Variants in MAN1A1 observed in about 807,000 individuals in gnomAD.
MAN1A1 encodes mannosyl-oligosaccharide 1,2-alpha-mannosidase IA.
In MAN1A1, 29 loss-of-function variants were observed where a neutral mutation model predicts 70.8. The ratio of observed to expected loss-of-function variants is 0.41; its 90% CI spans 0.31 to 0.56. The LOEUF is 0.56. MAN1A1 is among the 20% of genes least tolerant of loss of function. The pLI is 0.29. For missense variants in MAN1A1, 747 were observed against 841.3 expected (o/e 0.89, Z 1.39); for synonymous variants, 349 against 330.1 (o/e 1.06, Z -0.62).
chr6:119,348,739 T>C lies in MAN1A1; in HGVS notation c.327A>G (p.Ala109=). 6.4e-7 allele frequency: 1 copy of C among 1,569,024 alleles called. No individual in the cohort carries two copies. The highest frequency in any genetic ancestry group is 8.6e-7 in the Non-Finnish European group (1 of 1,160,458). Reference sequence around the variant, plus strand: ...CCAGGGCGGCCTCCGGGTCCCCGGGTGCCCCCTCCTCGCGGCGCCGGGCTC... The same window carrying C: ...CCAGGGCGGCCTCCGGGTCCCCGGGCGCCCCCTCCTCGCGGCGCCGGGCTC... ...EGRARRREEG[A]PGDPEAALED... is the part of the protein sequence containing the mutation. The change falls in exon 2 of 13, where the codon GCA becomes GCG. Residue 109 remains alanine, a synonymous_variant. Transcript: ENST00000368468.
intron 4 of MAN1A1, among the ~76,000 whole-genome samples, chr6:119,292,041 T>A (rs995573213): frequency 1.5e-4 from 23 of 152,052 alleles, no homozygotes; most frequent in African/African-American, 7.2e-5. Flanking sequence ...GATTTGAACT[T>A]GAGTACTGTG....
intron 10 of MAN1A1, 122 bp downstream of exon 10, chr6:119,189,542 T>G: frequency 1.2e-6 from 1 of 830,942 alleles, no homozygotes; most frequent in South Asian, 1.6e-5. Context: ...CTTTGAGACA[T>G]TAATCACGAT....
chr6:119,207,265 G>A (rs778979989), intron 6 of MAN1A1, among the ~76,000 whole-genome samples: 8 of 151,548 alleles, frequency 5.3e-5, no homozygotes, highest in Non-Finnish European at 1.2e-4. Context: ...CCCCAACCAC[G>A]GAAGCAAGAA....
At chr6:119,286,747 T>A (rs1776384664) in intron 5 of MAN1A1, among the ~76,000 whole-genome samples, 2 of 152,156 alleles carry the variant, frequency 1.3e-5, no homozygotes, top group African/African-American at 2.4e-5. Flanking sequence ...ACTGGCAGAA[T>A]ATTTTCTTTG....
Position 119,348,954 on chromosome 6 carries a change from G to C in MAN1A1, c.112C>G (p.Leu38Val), listed in dbSNP as rs1773823043. 5 of 1,525,114 alleles carry C rather than the reference G, an allele frequency of 3.3e-6. No homozygotes were observed. Among genetic ancestry groups the C allele is most frequent in the Non-Finnish European group, 4.4e-6 (5 of 1,135,698 alleles). The allele number at this position is 1,525,114 out of a possible 1,614,324, so 94.5% of individuals were successfully genotyped here. A position where few individuals can be genotyped will look rare whatever the true frequency, so the allele number is the denominator to read the frequency against. ...RKGSGPAALRLTEKFVLLLVF... is the reference protein window; with the variant it reads ...RKGSGPAALRVTEKFVLLLVF... Reference sequence around the variant, plus strand: ...AGCAGCAGCACGAACTTCTCCGTCAGGCGGAGGGCGGCGGGGCCCGACCCC... The same window carrying C: ...AGCAGCAGCACGAACTTCTCCGTCACGCGGAGGGCGGCGGGGCCCGACCCC... Residue 38 changes from leucine to valine, a missense_variant, in exon 2 of 13, where the codon CTG becomes GTG. By Grantham distance (32) the Leu-to-Val change is conservative. Around this residue, in one of 2 missense-constraint regions of MAN1A1, gnomAD observed 328 missense variants for 293.1 expected, o/e 1.12. Coordinates refer to ENST00000368468, the MANE Select transcript of MAN1A1 (RefSeq NM_005907.4).
intron 6 of MAN1A1, among the ~76,000 whole-genome samples, chr6:119,232,749 A>G (rs1774723323): frequency 6.6e-6 from 1 of 151,534 alleles, no homozygotes; most frequent in Admixed American, 6.6e-5. Context: ...GCTATAGAAA[A>G]TTACAGAAGC....
chr6:119,250,648 C>CTCTG (rs373911155), intron 5 of MAN1A1, among the ~76,000 whole-genome samples: 5 of 148,636 alleles, frequency 3.4e-5, no homozygotes, highest in South Asian at 2.1e-4. Context: ...TGTTCTCTCT[C>CTCTG]TGTGTGTGTG....
rs561030004 is a variant in MAN1A1 at position 119,217,367 on chromosome 6, C to T, written c.993-12485G>A. 3.9e-5 allele frequency among the ~76,000 whole-genome samples: 6 copies of T among 152,144 alleles called. No homozygotes were observed. In the East Asian group the frequency reaches 7.7e-4, roughly 20 times the overall value. ...CCCAGTTTCGGCTCACTGCAATCTC[C>T]CCCTCCCAGGTTCAAGCAATTCCCC... On this transcript the variant is annotated intron_variant, in intron 6 of 12. Transcript: ENST00000368468.
intron 2 of MAN1A1, among the ~76,000 whole-genome samples, chr6:119,345,299 T>G (rs1270440596): frequency 6.6e-6 from 1 of 152,200 alleles, no homozygotes; most frequent in Non-Finnish European, 1.5e-5. Context: ...TTAACTTTTG[T>G]GCTTCATTAT....
At chr6:119,247,964 T>A (rs1775213789) in intron 6 of MAN1A1, among the ~76,000 whole-genome samples, 2 of 152,200 alleles carry the variant, frequency 1.3e-5, no homozygotes, top group African/African-American at 4.8e-5. Context: ...ACTCTTTTGG[T>A]ATTTATGGAG....
chr6:119,284,372 A>G (rs907108597), intron 5 of MAN1A1, among the ~76,000 whole-genome samples: 1 of 152,116 alleles, frequency 6.6e-6, no homozygotes, highest in Non-Finnish European at 1.5e-5. Context: ...TGAGGGGGCC[A>G]CTCAAACTCA....
chr6:119,333,355 C>T (rs1773371493), intron 2 of MAN1A1, among the ~76,000 whole-genome samples: 1 of 152,128 alleles, frequency 6.6e-6, no homozygotes, highest in Non-Finnish European at 1.5e-5. Context: ...CTCAAGGTTC[C>T]AGGAAGCGAG....
chr6:119,196,020 A>G (rs1478501282), intron 8 of MAN1A1, among the ~76,000 whole-genome samples: 1 of 152,148 alleles, frequency 6.6e-6, no homozygotes, highest in Non-Finnish European at 1.5e-5. Flanking sequence ...GTGGAAAAGC[A>G]AATCATGGTT....
chr6:119,266,142 A>C (rs1393618982), intron 5 of MAN1A1, among the ~76,000 whole-genome samples: 1 of 152,208 alleles, frequency 6.6e-6, no homozygotes, highest in Non-Finnish European at 1.5e-5. Context: ...CCATGTTTAT[A>C]GATAGAAGAT....
At chr6:119,219,055 T>C (rs1774284959) in intron 6 of MAN1A1, among the ~76,000 whole-genome samples, 1 of 152,188 alleles carries the variant, frequency 6.6e-6, no homozygotes, top group Non-Finnish European at 1.5e-5. Context: ...TGGTTATATG[T>C]CATTTTGCTT....
At chr6:119,340,953 A>T (rs946329050) in intron 2 of MAN1A1, among the ~76,000 whole-genome samples, 1 of 152,224 alleles carries the variant, frequency 6.6e-6, no homozygotes, top group African/African-American at 2.4e-5. Context: ...AGACTGAGAA[A>T]CACGAGCGAG....
chr6:119,179,957 A>G lies in MAN1A1; in HGVS notation c.1836-12T>C, dbSNP rs774879985. The G allele has an allele frequency of 6.2e-7, 1 of 1,613,078 alleles. No homozygotes were observed. The highest frequency in any genetic ancestry group is 8.5e-7 in the Non-Finnish European group (1 of 1,179,298). ...TTAGGTACAAATATCTGGTGAGAGA[A>G]ACATAAGTATATGAGGCCCAAGACA... On this transcript the variant is annotated splice_polypyrimidine_tract_variant and intron_variant, in intron 12 of 12. Coordinates refer to ENST00000368468, the MANE Select transcript of MAN1A1 (RefSeq NM_005907.4).
At chr6:119,325,848 G>C (rs1288622905) in intron 2 of MAN1A1, among the ~76,000 whole-genome samples, 1 of 152,166 alleles carries the variant, frequency 6.6e-6, no homozygotes, top group East Asian at 1.9e-4. Flanking sequence ...CAGCATGTTT[G>C]CTTGCCTTCT....
At chr6:119,268,336 A>T (rs1775816055) in intron 5 of MAN1A1, among the ~76,000 whole-genome samples, 1 of 152,196 alleles carries the variant, frequency 6.6e-6, no homozygotes, top group Admixed American at 6.5e-5. Flanking sequence ...ACAGGGAAGG[A>T]GCAAGGGCTA....
Sources: allele counts gnomAD v4.1 joint callset (sites outside exome capture counted in the v4.1 genomes callset), GRCh38; gene constraint gnomAD v4.1.1; regional missense constraint gnomAD v4.1.1; transcripts MANE v1.5; gene names NCBI Gene and HGNC (gene_info 2026-07-23, HGNC 2026-07-21).